TGFBI: variants seen among roughly 807,000 people sequenced by gnomAD.
TGFBI encodes transforming growth factor beta induced.
TGFBI carries 50 observed loss-of-function variants against 73.7 expected under a neutral mutation model. That is an observed-to-expected ratio of 0.68 (90% CI 0.54 to 0.86). TGFBI has a LOEUF of 0.86. Among genes scored for constraint, TGFBI ranks in the 40% least tolerant of loss-of-function variants. TGFBI has a pLI of 0.00. For synonymous variants in TGFBI, 362 were observed against 360.5 expected (o/e 1.00, Z -0.05); for missense variants, 839 against 877.0 (o/e 0.96, Z 0.55).
At chr5:136,058,941 A>G (rs1348232769) in intron 12 of TGFBI, 149 bp from the exon 13 acceptor site, 6 of 941,568 alleles carry the variant, frequency 6.4e-6, no homozygotes, top group Non-Finnish European at 9.3e-6. Flanking sequence ...CGTTGAGTAT[A>G]CAGTGGGAGC....
chr5:136,034,923 G>A (rs1164417136), intron 2 of TGFBI, among the ~76,000 whole-genome samples: 1 of 152,208 alleles, frequency 6.6e-6, no homozygotes, highest in Non-Finnish European at 1.5e-5. Flanking sequence ...TAAGTTTATT[G>A]TTGTGACATT....
At chr5:136,047,787 A>C (rs773265582) in intron 6 of TGFBI, 22 of 208,800 alleles carry the variant, frequency 1.1e-4, no homozygotes, top group Non-Finnish European at 1.6e-4. Flanking sequence ...GTGCTTTGGG[A>C]TCACATGTCC....
intron 1 of TGFBI, among the ~76,000 whole-genome samples, chr5:136,032,770 A>G (rs556952166): frequency 1.3e-5 from 2 of 152,236 alleles, no homozygotes; most frequent in Non-Finnish European, 2.9e-5. Context: ...ACCACGTAGC[A>G]CAGCAGCTTC....
intron 1 of TGFBI, among the ~76,000 whole-genome samples, chr5:136,032,214 C>T (rs1273881014): frequency 1.3e-5 from 2 of 152,152 alleles, no homozygotes; most frequent in Admixed American, 6.5e-5. Context: ...AGGCATGGGC[C>T]TCTGCTGGCT....
chr5:136,063,095 G>T, intron 16 of TGFBI, 91 bp from the exon 17 acceptor site: 2 of 1,211,640 alleles, frequency 1.7e-6, no homozygotes, highest in Non-Finnish European at 2.4e-6. Flanking sequence ...GAAGGAGGCT[G>T]CTTGGCCCTG....
intron 7 of TGFBI, among the ~76,000 whole-genome samples, chr5:136,050,211 T>A (rs1426830919): frequency 6.6e-6 from 1 of 151,822 alleles, no homozygotes; most frequent in Non-Finnish European, 1.5e-5. Flanking sequence ...TGGGCACCTG[T>A]AATCCCAGTT....
chr5:136,061,386 A>C, intron 14 of TGFBI, 114 bp from the exon 15 acceptor site: 1 of 767,530 alleles, frequency 1.3e-6, no homozygotes, highest in Non-Finnish European at 2.2e-6. Context: ...TGGAGAAAAC[A>C]TGTCTTTGGA....
At chr5:136,031,976 CT>C (rs1362996731) in intron 1 of TGFBI, among the ~76,000 whole-genome samples, 1 of 152,180 alleles carries the variant, frequency 6.6e-6, no homozygotes, top group Non-Finnish European at 1.5e-5. Flanking sequence ...CGCCAAACGC[CT>C]ACGGAAAGTG....
In TGFBI at chr5:136,047,260, G is replaced by T; in HGVS notation, c.625-14G>T. 1 of 1,613,132 alleles carries T rather than the reference G, an allele frequency of 6.2e-7. No homozygotes were observed. The highest frequency in any genetic ancestry group is 8.5e-7 in the Non-Finnish European group (1 of 1,179,410). Reference sequence around the variant, plus strand: ...GTTGTGTTGACTGCTCATCCTTGCTGCTTCTCTGGGCAGATTGTAACTGTG... The same window carrying T: ...GTTGTGTTGACTGCTCATCCTTGCTTCTTCTCTGGGCAGATTGTAACTGTG... On this transcript the variant is annotated splice_polypyrimidine_tract_variant and intron_variant, in intron 5 of 16. Coordinates refer to ENST00000442011, the MANE Select transcript of TGFBI (RefSeq NM_000358.3).
At chr5:136,045,585 G>A (rs962870919) in intron 3 of TGFBI, among the ~76,000 whole-genome samples, 40 of 152,008 alleles carry the variant, frequency 2.6e-4, no homozygotes, top group African/African-American at 9.7e-4. Context: ...TCATGAGACT[G>A]AGACATAACA....
intron 1 of TGFBI, among the ~76,000 whole-genome samples, chr5:136,033,138 G>A (rs1036239467): frequency 1.3e-4 from 20 of 152,068 alleles, no homozygotes; most frequent in Non-Finnish European, 2.4e-4. Flanking sequence ...CCACCTCCCC[G>A]CATCACTTAC....
intron 1 of TGFBI, among the ~76,000 whole-genome samples, chr5:136,031,843 C>T (rs547334673): frequency 2.0e-5 from 3 of 152,272 alleles, no homozygotes; most frequent in East Asian, 3.9e-4. Flanking sequence ...CCACACTCCC[C>T]GATGTGAGAA....
Position 136,054,093 on chromosome 5 carries a change from A to C in TGFBI, c.1264+13A>C. ...TCTGTATTCAAAGGTAACATGGGGA[A>C]GGCATCCCTGTTAGATTGTCCCTGG... On this transcript the variant is annotated intron_variant, in intron 9 of 16. Transcript: ENST00000442011. The C allele has an allele frequency of 1.2e-6, 2 of 1,610,700 alleles. No homozygotes were observed. Among genetic ancestry groups the C allele is most frequent in the South Asian group, 1.1e-5 (1 of 90,986 alleles).
At chr5:136,031,102 T>G (rs1174256752) in intron 1 of TGFBI, among the ~76,000 whole-genome samples, 1 of 152,212 alleles carries the variant, frequency 6.6e-6, no homozygotes, top group African/African-American at 2.4e-5. Context: ...GAAAGGCCTA[T>G]TGTAATCTGT....
intron 2 of TGFBI, 70 bp from the exon 3 acceptor site, chr5:136,043,988 A>G: frequency 7.4e-7 from 1 of 1,349,190 alleles, no homozygotes; most frequent in South Asian, 1.2e-5. Flanking sequence ...AACTTAGTGG[A>G]GAGGGGCCAG....
chr5:136,029,082 T>TCTCGCCCTGGCTCTGGCC lies in TGFBI; in HGVS notation c.30_47dup (p.Ala11_Leu16dup), dbSNP rs1165708312. ...TGGCGCTCTTCGTGCGGCTGCTGGCTCTCGCCCTGGCTCTGGCCCTGGGCC... is the reference window on the plus strand; with the variant it reads ...TGGCGCTCTTCGTGCGGCTGCTGGCTCTCGCCCTGGCTCTGGCCCTCGCCCTGGCTCTGGCCCTGGGCC... On this transcript the variant is annotated inframe_insertion, in exon 1 of 17. Transcript: ENST00000442011. The TCTCGCCCTGGCTCTGGCC allele has an allele frequency of 2.6e-6, 4 of 1,527,658 alleles. No individual in the cohort carries two copies. The South Asian group carries it at 4.8e-5, about 18-fold the overall frequency. 94.6% of individuals were successfully genotyped at this position (1,527,658 alleles called of 1,614,324 possible).
chr5:136,055,875 TG>T, intron 11 of TGFBI, 59 bp downstream of exon 11: 1 of 1,522,632 alleles, frequency 6.6e-7, no homozygotes, highest in Non-Finnish European at 8.9e-7. Flanking sequence ...GAGTGGGATG[TG>T]GGGCCCCAGC....
chr5:136,033,873 T>G lies in TGFBI; in HGVS notation c.233+12T>G. On this transcript the variant is annotated intron_variant, in intron 2 of 16. Coordinates refer to ENST00000442011, the MANE Select transcript of TGFBI (RefSeq NM_000358.3). ...TGTGGCAAATCAACGTGAGTATCTG[T>G]AACCAGCCAGGAGACCAAGCTGTAT... 1 of 1,610,674 alleles carries G rather than the reference T, an allele frequency of 6.2e-7. No homozygotes were observed. Among genetic ancestry groups the G allele is most frequent in the South Asian group, 1.1e-5 (1 of 90,488 alleles).
rs906498847 is a variant in TGFBI at position 136,056,767 on chromosome 5, G to C, written c.1650G>C (p.Leu550=). 6.2e-7 allele frequency: 1 copy of C among 1,613,874 alleles called. No homozygotes were observed. The highest frequency in any genetic ancestry group is 8.5e-7 in the Non-Finnish European group (1 of 1,179,840). ...FAPTNEAFRA[L]PPRERSRLLG... ...CCACAAATGAAGCCTTCCGAGCCCT[G>C]CCACCAAGAGAACGGAGCAGACTCT... The change falls in exon 12 of 17, where the codon CTG becomes CTC. Residue 550 remains leucine (L), a synonymous_variant. Transcript: ENST00000442011.
Sources: allele counts gnomAD v4.1 joint callset (sites outside exome capture counted in the v4.1 genomes callset), GRCh38; gene constraint gnomAD v4.1.1; transcripts MANE v1.5; gene names NCBI Gene and HGNC (gene_info 2026-07-23, HGNC 2026-07-21).